IDE: variants seen among roughly 807,000 people sequenced by gnomAD.
The protein encoded by IDE is insulin-degrading enzyme.
In IDE, 58 loss-of-function variants were observed where a neutral mutation model predicts 133.2. The observed-to-expected ratio is 0.44, with a 90% confidence interval of 0.35 to 0.54. The LOEUF is 0.54. IDE is among the 20% of genes least tolerant of loss of function. IDE has a pLI of 0.00. For missense variants in IDE, 981 were observed against 1,234.0 expected, an observed-to-expected ratio of 0.79 and a Z score of 3.07; for synonymous variants, 396 against 421.3, an observed-to-expected ratio of 0.94 and a Z score of 0.73.
chr10:92,523,529 A>G (rs887843262), intron 4 of IDE, among the ~76,000 whole-genome samples: 2 of 142,400 alleles, frequency 1.4e-5, no homozygotes, highest in African/African-American at 5.1e-5. Flanking sequence ...CATGGTCTCT[A>G]CTTAAAAAAA....
intron 2 of IDE, among the ~76,000 whole-genome samples, chr10:92,537,035 CA>C (rs1280601596): frequency 0.018 from 1,337 of 74,226 alleles, 15 homozygotes; most frequent in African/African-American, 0.052. Context: ...AACTCTGTCT[CA>C]AAAAAAAAAA....
At chr10:92,563,104 A>G (rs1034700676) in intron 1 of IDE, among the ~76,000 whole-genome samples, 3 of 152,226 alleles carry the variant, frequency 2.0e-5, no homozygotes, top group South Asian at 2.1e-4. Flanking sequence ...TACAAAAATT[A>G]GCCGGGCGTG....
chr10:92,452,143 G>C lies in IDE; in HGVS notation c.*2301C>G, dbSNP rs1844773759. On this transcript the variant is annotated 3_prime_UTR_variant, in exon 25 of 25. Coordinates refer to ENST00000265986, the MANE Select transcript of IDE (RefSeq NM_004969.4). ...GCTTTCTGCATTATGAACAATGAAAGCAAGAAATCTGGTCAAACTGGGATG... is the reference window on the plus strand; with the variant it reads ...GCTTTCTGCATTATGAACAATGAAACCAAGAAATCTGGTCAAACTGGGATG... 1 of 152,194 alleles carries C rather than the reference G, an allele frequency of 6.6e-6. No homozygotes were observed. 9.4% of individuals were successfully genotyped at this position (152,194 alleles called of 1,614,324 possible).
At chr10:92,457,340 T>C (rs1845087636) in intron 22 of IDE, among the ~76,000 whole-genome samples, 1 of 152,210 alleles carries the variant, frequency 6.6e-6, no homozygotes, top group Admixed American at 6.5e-5. Flanking sequence ...TCAGCTCACT[T>C]AATTCTCTGT....
chr10:92,530,477 G>A (rs1222619368), intron 4 of IDE, among the ~76,000 whole-genome samples: 1 of 151,472 alleles, frequency 6.6e-6, no homozygotes, highest in Non-Finnish European at 1.5e-5. Context: ...TGTAAAGATA[G>A]TGTCTCACTA....
At chr10:92,570,922 T>A (rs1478900601) in intron 1 of IDE, among the ~76,000 whole-genome samples, 1 of 150,966 alleles carries the variant, frequency 6.6e-6, no homozygotes, top group Non-Finnish European at 1.5e-5. Context: ...TCTCGAACTT[T>A]AAAAAAAAGA....
At chr10:92,496,095 G>C (rs112011123) in intron 11 of IDE, among the ~76,000 whole-genome samples, 1 of 151,256 alleles carries the variant, frequency 6.6e-6, no homozygotes, top group African/African-American at 2.4e-5. Flanking sequence ...GGCTGGTCTT[G>C]AACACCCAAC....
At chr10:92,572,776 G>T in intron 1 of IDE, 1 of 459,164 alleles carries the variant, frequency 2.2e-6, no homozygotes, top group Non-Finnish European at 2.9e-6. Context: ...CAAACTGCCC[G>T]CATATCTAGG....
intron 20 of IDE, among the ~76,000 whole-genome samples, chr10:92,464,934 T>A (rs1365040070): frequency 6.6e-6 from 1 of 152,206 alleles, no homozygotes; most frequent in East Asian, 1.9e-4. Context: ...CCTCCCAAAG[T>A]GCTGGGATTA....
intron 22 of IDE, among the ~76,000 whole-genome samples, chr10:92,459,104 C>T (rs958043057): frequency 5.9e-5 from 9 of 152,144 alleles, no homozygotes; most frequent in African/African-American, 2.2e-4. Context: ...AAACTATAGT[C>T]TCCTTTTCTT....
intron 20 of IDE, among the ~76,000 whole-genome samples, chr10:92,465,060 C>T (rs1388368977): frequency 3.3e-5 from 5 of 152,162 alleles, no homozygotes; most frequent in African/African-American, 7.2e-5. Flanking sequence ...GTGAGCTCCT[C>T]GAAAGGAAGG....
At position 92,465,716 on chromosome 10, in the gene IDE, C is replaced by T. The variant is rs138149617; in HGVS notation, c.2448G>A (p.Ser816=). The T allele has an allele frequency of 1.8e-5, 29 of 1,613,862 alleles. No homozygotes were observed. Among genetic ancestry groups the T allele is most frequent in the Admixed American group, 8.3e-5 (5 of 59,978 alleles). The change falls in exon 20 of 25, where the codon TCG becomes TCA. Residue 816 remains serine, a synonymous_variant. Coordinates refer to ENST00000265986, the MANE Select transcript of IDE (RefSeq NM_004969.4). ...TGCGCAGGGTGTTGAAGCAAGGTTCCGAGATAATCTGACAGAAGAGCTCCA... is the reference window on the plus strand; with the variant it reads ...TGCGCAGGGTGTTGAAGCAAGGTTCTGAGATAATCTGACAGAAGAGCTCCA... The part of the protein sequence containing the change: ...MFLELFCQII[S]EPCFNTLRTK...
intron 1 of IDE, chr10:92,541,191 A>G (rs548344775): frequency 1.7e-5 from 5 of 290,518 alleles, no homozygotes; most frequent in African/African-American, 1.1e-4. Context: ...AAGAAATAGT[A>G]GCAACATTTT....
At chr10:92,564,016 C>G (rs974792481) in intron 1 of IDE, among the ~76,000 whole-genome samples, 1 of 152,130 alleles carries the variant, frequency 6.6e-6, no homozygotes, top group Admixed American at 6.6e-5. Flanking sequence ...ATCTCTCTCA[C>G]TTTTGTAGTC....
chr10:92,486,674 A>G (rs1564615360), intron 13 of IDE, among the ~76,000 whole-genome samples: 1 of 152,216 alleles, frequency 6.6e-6, no homozygotes, highest in African/African-American at 2.4e-5. Flanking sequence ...TGAAAAGGAC[A>G]TTCTGAAAAA....
intron 17 of IDE, among the ~76,000 whole-genome samples, chr10:92,472,239 C>T (rs1846004507): frequency 6.6e-6 from 1 of 152,168 alleles, no homozygotes; most frequent in African/African-American, 2.4e-5. Context: ...TACTATAGAG[C>T]TTATTCTGCT....
chr10:92,480,117 C>T (rs1166893262), intron 14 of IDE, among the ~76,000 whole-genome samples: 7 of 152,206 alleles, frequency 4.6e-5, no homozygotes, highest in African/African-American at 1.7e-4. Context: ...CAGTGATCAA[C>T]TAAACTTCAT....
chr10:92,543,786 A>G (rs1337037505), intron 1 of IDE, among the ~76,000 whole-genome samples: 1 of 152,244 alleles, frequency 6.6e-6, no homozygotes, highest in African/African-American at 2.4e-5. Flanking sequence ...AGAACACTTT[A>G]TAGAAACGTT....
intron 1 of IDE, among the ~76,000 whole-genome samples, chr10:92,539,795 A>G (rs1842208472): frequency 1.3e-5 from 2 of 151,994 alleles, no homozygotes; most frequent in African/African-American, 4.8e-5. Flanking sequence ...CTTTCTCATT[A>G]GCCATAAGCC....
Sources: allele counts gnomAD v4.1 joint callset (sites outside exome capture counted in the v4.1 genomes callset), GRCh38; gene constraint gnomAD v4.1.1; transcripts MANE v1.5; gene names NCBI Gene and HGNC (gene_info 2026-07-23, HGNC 2026-07-21).